GRIK3: variants seen among roughly 807,000 people sequenced by gnomAD.
GRIK3 encodes the protein glutamate ionotropic receptor kainate type subunit 3, also known as glutamate receptor ionotropic, kainate 3.
Under a neutral mutation model 102.5 loss-of-function variants are expected in GRIK3, and 29 were observed. The ratio of observed to expected loss-of-function variants is 0.28; its 90% CI spans 0.21 to 0.39. GRIK3 has a LOEUF of 0.39. Among genes scored for constraint, GRIK3 ranks in the 10% least tolerant of loss-of-function variants. The pLI, the probability that GRIK3 is intolerant of heterozygous loss-of-function variation, is 1.00. For synonymous variants in GRIK3, 511 were observed against 504.9 expected (o/e 1.01, Z -0.16); for missense variants, 908 against 1,252.4 (o/e 0.73, Z 4.15).
At chr1:36,961,166 C>A (rs572491985) in intron 1 of GRIK3, among the ~76,000 whole-genome samples, 1 of 152,230 alleles carries the variant, frequency 6.6e-6, no homozygotes, top group African/African-American at 2.4e-5. Flanking sequence ...CAACACACTG[C>A]GTGCACACAC....
intron 1 of GRIK3, among the ~76,000 whole-genome samples, chr1:36,970,997 G>C (rs1642134292): frequency 6.6e-6 from 1 of 152,200 alleles, no homozygotes; most frequent in Non-Finnish European, 1.5e-5. Context: ...ATGCAAAGCT[G>C]TGAGACACCA....
intron 5 of GRIK3, among the ~76,000 whole-genome samples, chr1:36,868,997 A>C (rs1640815613): frequency 6.6e-6 from 1 of 152,122 alleles, no homozygotes; most frequent in African/African-American, 2.4e-5. Context: ...TGAGGCTGTC[A>C]CTCACCTCAG....
chr1:36,957,440 G>GCGCCCCA (rs1557440322), intron 1 of GRIK3, among the ~76,000 whole-genome samples: 213 of 16,142 alleles, frequency 0.013, 1 homozygote, highest in Middle Eastern at 0.026. Context: ...TCTGTGCTCT[G>GCGCCCCA]TGAGTCTGTG....
intron 1 of GRIK3, among the ~76,000 whole-genome samples, chr1:36,962,861 G>T (rs1205393236): frequency 2.8e-5 from 4 of 141,142 alleles, no homozygotes; most frequent in Admixed American, 2.2e-4. Flanking sequence ...TCCAGCCTGG[G>T]CAACAGAGCG....
chr1:36,884,259 A>G (rs1286791872), intron 2 of GRIK3, among the ~76,000 whole-genome samples: 2 of 152,186 alleles, frequency 1.3e-5, no homozygotes, highest in Non-Finnish European at 2.9e-5. Context: ...CCTTGGTGTG[A>G]GCAGGTGTGT....
chr1:37,033,957 G>T, intron 1 of GRIK3, 37 bp downstream of exon 1: 8 of 1,237,310 alleles, frequency 6.5e-6, no homozygotes, highest in Non-Finnish European at 9.2e-6. Flanking sequence ...GCCCCCTCCC[G>T]GGCGCACGGA....
Position 36,880,098 on chromosome 1 carries a change from C to T in GRIK3, c.550+536G>A, listed in dbSNP as rs150314689. ...TTGTCACTGTCATCTTGTAATCCCACATTTTACAGATTTACATTTTATAGG... is the reference window on the plus strand; with the variant it reads ...TTGTCACTGTCATCTTGTAATCCCATATTTTACAGATTTACATTTTATAGG... On this transcript the variant is annotated intron_variant, in intron 3 of 15. Coordinates refer to ENST00000373091, the MANE Select transcript of GRIK3 (RefSeq NM_000831.4). The surrounding 1 kb of genome is among the most constrained non-coding windows in gnomAD (Gnocchi z 5.4). Among the ~76,000 whole-genome samples the T allele has an allele frequency of 6.6e-6, 1 of 152,280 alleles. No individual in the cohort carries two copies. Among genetic ancestry groups the T allele is most frequent in the African/African-American group, 2.4e-5 (1 of 41,556 alleles).
chr1:36,892,504 A>C (rs1641128868), intron 1 of GRIK3, among the ~76,000 whole-genome samples: 1 of 95,050 alleles, frequency 1.1e-5, no homozygotes, highest in South Asian at 4.8e-4. Context: ...AAAAATTAAA[A>C]ATGACCAGCA....
At chr1:36,919,003 T>G (rs1641436818) in intron 1 of GRIK3, among the ~76,000 whole-genome samples, 1 of 152,234 alleles carries the variant, frequency 6.6e-6, no homozygotes, top group East Asian at 1.9e-4. Flanking sequence ...GGCACCAACC[T>G]TGCTTTGATA....
chr1:37,014,486 C>T (rs1642630947), intron 1 of GRIK3, among the ~76,000 whole-genome samples: 1 of 152,248 alleles, frequency 6.6e-6, no homozygotes, highest in African/African-American at 2.4e-5. Context: ...TCTTGGACAT[C>T]TTTTCATACC....
rs547332409 is a variant in GRIK3, at chr1:36,950,897, G to A, written c.116-59801C>T. 1.3e-4 allele frequency among the ~76,000 whole-genome samples: 20 copies of A among 152,348 alleles called. 1 individual carries two copies. The highest frequency in any genetic ancestry group is 1.9e-4 in the East Asian group (1 of 5,188). The stretch of plus-strand genomic sequence containing the variant: ...TAGAAGCCTCTGAAGTTACAGCAAC[G>A]GGGAGCGGAGGGTCTGGAGTGGGGC... On this transcript the variant is annotated intron_variant, in intron 1 of 15. Coordinates refer to ENST00000373091, the MANE Select transcript of GRIK3 (RefSeq NM_000831.4).
At chr1:37,000,775 C>T (rs1390241711) in intron 1 of GRIK3, among the ~76,000 whole-genome samples, 1 of 152,134 alleles carries the variant, frequency 6.6e-6, no homozygotes, top group African/African-American at 2.4e-5. Context: ...AGCATCCCAT[C>T]AGAAAGGGCA....
intron 1 of GRIK3, among the ~76,000 whole-genome samples, chr1:36,918,997 C>A (rs1177991804): frequency 6.6e-6 from 1 of 152,220 alleles, no homozygotes; most frequent in African/African-American, 2.4e-5. Flanking sequence ...CTTTAGGGCA[C>A]CAACCTTGCT....
intron 1 of GRIK3, among the ~76,000 whole-genome samples, chr1:36,965,260 A>T (rs1642067094): frequency 6.6e-6 from 1 of 152,214 alleles, no homozygotes; most frequent in Non-Finnish European, 1.5e-5. Context: ...ATTCAATTAA[A>T]GTTTACCAGG....
At chr1:36,986,854 C>T (rs911981017) in intron 1 of GRIK3, among the ~76,000 whole-genome samples, 1 of 152,204 alleles carries the variant, frequency 6.6e-6, no homozygotes, top group Admixed American at 6.5e-5. Context: ...TTTAGCTCCA[C>T]AATTAATAAC....
In GRIK3 at chr1:36,806,414, G is replaced by A; in HGVS notation, c.2092-88C>T. On this transcript the variant is annotated intron_variant, in intron 13 of 15. Coordinates refer to ENST00000373091, the MANE Select transcript of GRIK3 (RefSeq NM_000831.4). This position sits in a 1 kb window ranked among gnomAD's most constrained non-coding sequence, Gnocchi z 4.0. Reference sequence around the variant, plus strand: ...GCATACCCTGCACAACGTGGGTTGGGGCCTTGAACTCGGTCTACAATCTTC... The same window carrying A: ...GCATACCCTGCACAACGTGGGTTGGAGCCTTGAACTCGGTCTACAATCTTC... 2.7e-6 allele frequency: 2 copies of A among 747,842 alleles called. No homozygotes were observed. 46.3% of individuals were successfully genotyped at this position (747,842 alleles called of 1,614,324 possible). A position where few individuals can be genotyped will look rare whatever the true frequency, so the allele number is the denominator to read the frequency against.
chr1:36,952,350 G>C (rs1641853605), intron 1 of GRIK3, among the ~76,000 whole-genome samples: 1 of 152,086 alleles, frequency 6.6e-6, no homozygotes, highest in Non-Finnish European at 1.5e-5. Flanking sequence ...TCCCATCTCT[G>C]TGCCTCTGTT....
At chr1:37,011,207 G>A (rs1453121592) in intron 1 of GRIK3, among the ~76,000 whole-genome samples, 1 of 152,188 alleles carries the variant, frequency 6.6e-6, no homozygotes, top group Non-Finnish European at 1.5e-5. Flanking sequence ...TAAGATGCTA[G>A]ACCTAAAGAA....
intron 2 of GRIK3, among the ~76,000 whole-genome samples, chr1:36,882,351 T>C (rs1373952623): frequency 1.3e-5 from 2 of 152,076 alleles, no homozygotes; most frequent in Non-Finnish European, 2.9e-5. Context: ...TGGTAGAACA[T>C]CAGTGGGCAC....
Sources: allele counts gnomAD v4.1 joint callset (sites outside exome capture counted in the v4.1 genomes callset), GRCh38; gene constraint gnomAD v4.1.1; non-coding constraint Gnocchi (gnomAD v3.1); transcripts MANE v1.5; gene names NCBI Gene and HGNC (gene_info 2026-07-23, HGNC 2026-07-21).